The following USH2A variants were observed in gnomAD, a reference collection of about 807,000 sequenced individuals.
USH2A encodes Usher syndrome 2A (autosomal recessive, mild).
Under a neutral mutation model 538.9 loss-of-function variants are expected in USH2A, and 443 were observed. The ratio of observed to expected loss-of-function variants is 0.82; its 90% CI spans 0.76 to 0.89. USH2A has a LOEUF of 0.89. Among genes scored for constraint, USH2A ranks in the 40% least tolerant of loss-of-function variants. The pLI, the probability that USH2A is intolerant of heterozygous loss-of-function variation, is 0.00. For missense variants in USH2A, 6,633 were observed against 6,324.8 expected (o/e 1.05, Z -1.65); for synonymous variants, 2,413 against 2,273.5 (o/e 1.06, Z -1.75).
At chr1:216,012,382 A>G (rs1418710425) in intron 32 of USH2A, among the ~76,000 whole-genome samples, 2 of 152,126 alleles carry the variant, frequency 1.3e-5, no homozygotes. Flanking sequence ...GGACTGGCAA[A>G]TTAGCTTTAC....
intron 21 of USH2A, among the ~76,000 whole-genome samples, chr1:216,128,216 C>A (rs2033295546): frequency 6.6e-6 from 1 of 152,000 alleles, no homozygotes; most frequent in South Asian, 2.1e-4. Flanking sequence ...TTTATGTATG[C>A]CCAACATTAC....
chr1:216,109,324 C>T (rs1032641851), intron 21 of USH2A, among the ~76,000 whole-genome samples: 2 of 152,058 alleles, frequency 1.3e-5, no homozygotes, highest in Non-Finnish European at 1.5e-5. Flanking sequence ...TGGATGGTTT[C>T]CCCTTGACCT....
intron 30 of USH2A, among the ~76,000 whole-genome samples, chr1:216,059,458 C>A (rs1387397188): frequency 6.6e-6 from 1 of 152,180 alleles, no homozygotes; most frequent in Non-Finnish European, 1.5e-5. Flanking sequence ...CTGGGAAACC[C>A]TAAAATTATT....
intron 32 of USH2A, among the ~76,000 whole-genome samples, chr1:216,033,464 C>A (rs992066619): frequency 1.3e-5 from 2 of 152,122 alleles, no homozygotes; most frequent in African/African-American, 4.8e-5. Flanking sequence ...TAGGAAAAGG[C>A]ATGTGGTATT....
chr1:216,042,606 C>A (rs1373185483), intron 32 of USH2A, among the ~76,000 whole-genome samples: 1 of 151,974 alleles, frequency 6.6e-6, no homozygotes, highest in Non-Finnish European at 1.5e-5. Flanking sequence ...TAGATAGATA[C>A]ATGTTATGGT....
At chr1:216,387,634 C>T (rs2039029419) in intron 3 of USH2A, among the ~76,000 whole-genome samples, 1 of 152,198 alleles carries the variant, frequency 6.6e-6, no homozygotes, top group South Asian at 2.1e-4. Flanking sequence ...TATATATCGG[C>T]GGTGTAGTGA....
chr1:216,234,052 G>A (rs1448585317), intron 13 of USH2A, among the ~76,000 whole-genome samples: 1 of 152,102 alleles, frequency 6.6e-6, no homozygotes, highest in African/African-American at 2.4e-5. Context: ...CTAATTTAAA[G>A]TTCATAAAAT....
chr1:216,200,222 A>C, intron 16 of USH2A, 101 bp from the exon 17 acceptor site: 2 of 1,203,646 alleles, frequency 1.7e-6, no homozygotes, highest in Non-Finnish European at 2.3e-6. Context: ...TACATAAACT[A>C]TACCAATCTA....
intron 37 of USH2A, among the ~76,000 whole-genome samples, chr1:215,935,352 G>A (rs1284400953): frequency 6.6e-6 from 1 of 151,910 alleles, no homozygotes; most frequent in Non-Finnish European, 1.5e-5. Flanking sequence ...TCTATCTAAT[G>A]CCCTTTTAAA....
rs1661817915 is a variant in USH2A at position 215,786,852 on chromosome 1, A to T, written c.10205T>A (p.Leu3402His). The change falls in exon 52 of 72, where the codon CTC becomes CAC. Residue 3402 changes from leucine (L) to histidine (H), a missense_variant. Physicochemically the swap from Leu to His is moderately conservative, Grantham distance 99 (BLOSUM62 -3). Coordinates refer to ENST00000307340, the MANE Select transcript of USH2A (RefSeq NM_206933.4). ...MMKETKECRI[L>H]CPASMEATEH... ...TGTGGCTTCCATAGATGCTGGGCAG[A>T]GGATCCTGCACTCTTTGGTTTCCTG... The T allele has an allele frequency of 1.9e-6, 3 of 1,613,904 alleles. No individual in the cohort carries two copies. In the East Asian group the frequency reaches 6.7e-5, roughly 36 times the overall value.
intron 43 of USH2A, among the ~76,000 whole-genome samples, chr1:215,872,705 A>G (rs1015933358): frequency 6.6e-6 from 1 of 152,064 alleles, no homozygotes; most frequent in Admixed American, 6.5e-5. Flanking sequence ...GTGATCACCA[A>G]TGTTGAATGT....
intron 35 of USH2A, among the ~76,000 whole-genome samples, chr1:215,985,597 T>C (rs1667852980): frequency 6.6e-6 from 1 of 152,316 alleles, no homozygotes; most frequent in South Asian, 2.1e-4. Flanking sequence ...CAAATTCTTA[T>C]AAATTATAGC....
In USH2A at chr1:216,089,092, A is replaced by G. The variant is rs767864041; in HGVS notation, c.4806T>C (p.Tyr1602=). The G allele has an allele frequency of 1.2e-6, 2 of 1,613,354 alleles. No homozygotes were observed. Among genetic ancestry groups the G allele is most frequent in the South Asian group, 1.1e-5 (1 of 91,076 alleles). The change falls in exon 23 of 72, where the codon TAT becomes TAC. Residue 1602 remains tyrosine (Y), a synonymous_variant. Transcript: ENST00000307340. ...TTATTTCATGCCATTTTCCATCACT[A>G]TATTGTTTGCCATGATCATTAGTTG... is the stretch of plus-strand genomic sequence containing the variant. ...VTTTNDHGKQ[Y]SDGKWHEIIA...
rs776039406 is a variant in USH2A at position 216,199,843 on chromosome 1, C to T, written c.3595G>A (p.Glu1199Lys). The T allele has an allele frequency of 3.9e-5, 63 of 1,613,986 alleles. No individual in the cohort carries two copies. The highest frequency in any genetic ancestry group is 1.6e-4 in the Middle Eastern group (1 of 6,082). Residue 1199 changes from glutamate to lysine, a missense_variant, in exon 17 of 72, where the codon GAA becomes AAA. Glu to Lys is a moderately conservative substitution (Grantham distance 56). Coordinates refer to ENST00000307340, the MANE Select transcript of USH2A (RefSeq NM_206933.4). The part of the protein sequence containing the change: ...LAGGQPCVSY[E>K]GHETSATIWN... The stretch of plus-strand genomic sequence containing the variant: ...ATGGTAGCTGAGGTTTCATGACCTT[C>T]GTAGGAAACACATGGCTGACCACCA...
chr1:216,268,639 C>T (rs2036519730), intron 11 of USH2A, among the ~76,000 whole-genome samples: 1 of 152,050 alleles, frequency 6.6e-6, no homozygotes, highest in Non-Finnish European at 1.5e-5. Context: ...ACAAGGATCC[C>T]GTAGGCTTGG....
At position 216,174,214 on chromosome 1, in the gene USH2A, A is replaced by G. The variant is rs439940; in HGVS notation, c.4627+1038T>C. 222,717 of 984,418 alleles carry G rather than the reference A, an allele frequency of 0.23. 25,438 individuals carry two copies. Among genetic ancestry groups the G allele is most frequent in the Non-Finnish European group, 0.23 (192,851 of 829,144 alleles). 61.0% of individuals were successfully genotyped at this position (984,418 alleles called of 1,614,324 possible). A position where few individuals can be genotyped will look rare whatever the true frequency, so the allele number is the denominator to read the frequency against. ...GAATTCCATTTCATTGTCTTCACATATGCAATATTTTAAAGACTAGCTATT... is the reference window on the plus strand; with the variant it reads ...GAATTCCATTTCATTGTCTTCACATGTGCAATATTTTAAAGACTAGCTATT... On this transcript the variant is annotated intron_variant, in intron 21 of 71. Transcript: ENST00000307340.
chr1:215,967,432 G>C (rs1445149129), intron 36 of USH2A, among the ~76,000 whole-genome samples: 1 of 152,154 alleles, frequency 6.6e-6, no homozygotes, highest in Admixed American at 6.5e-5. Context: ...CTCCCAACAT[G>C]CTGGGATTAC....
intron 21 of USH2A, among the ~76,000 whole-genome samples, chr1:216,153,015 T>C (rs1372386417): frequency 6.6e-6 from 1 of 152,086 alleles, no homozygotes; most frequent in Non-Finnish European, 1.5e-5. Flanking sequence ...CTGGGGTTAG[T>C]CAGAGAGGAG....
At chr1:215,745,145 A>G (rs1660436351) in intron 58 of USH2A, among the ~76,000 whole-genome samples, 1 of 152,178 alleles carries the variant, frequency 6.6e-6, no homozygotes, top group Non-Finnish European at 1.5e-5. Context: ...CTAGGATGGA[A>G]ATCTTAGAGT....
Sources: allele counts gnomAD v4.1 joint callset (sites outside exome capture counted in the v4.1 genomes callset), GRCh38; gene constraint gnomAD v4.1.1; transcripts MANE v1.5; gene names NCBI Gene and HGNC (gene_info 2026-07-23, HGNC 2026-07-21).